The following DGKI variants were observed in gnomAD, a reference collection of about 807,000 sequenced individuals.
DGKI encodes diacylglycerol kinase iota, also known as DAG kinase iota.
In DGKI, 55 loss-of-function variants were observed where a neutral mutation model predicts 147.5. The ratio of observed to expected loss-of-function variants is 0.37; its 90% CI spans 0.30 to 0.47. DGKI has a LOEUF of 0.47. Among genes scored for constraint, DGKI ranks in the 20% least tolerant of loss-of-function variants. The probability of loss-of-function intolerance (pLI) is 1.00; values close to 1 mark genes in which losing one functional copy is unlikely to be tolerated. For missense variants in DGKI, 1,007 were observed against 1,323.8 expected (o/e 0.76, Z 3.71); for synonymous variants, 469 against 477.1 (o/e 0.98, Z 0.22).
intron 6 of DGKI, among the ~76,000 whole-genome samples, chr7:137,634,259 G>C (rs1821234640): frequency 6.6e-6 from 1 of 152,176 alleles, no homozygotes; most frequent in Admixed American, 6.5e-5. Flanking sequence ...CCCAGAGCAT[G>C]AAACAGTGCT....
At chr7:137,413,265 CAAAAA>C (rs35856159) in intron 28 of DGKI, among the ~76,000 whole-genome samples, 2 of 92,630 alleles carry the variant, frequency 2.2e-5, no homozygotes, top group East Asian at 3.5e-4. Context: ...GACTCCATCT[CAAAAA>C]AAAAAAAAAA....
At chr7:137,487,565 A>G (rs1815608995) in intron 22 of DGKI, 45 bp downstream of exon 22, 1 of 1,524,274 alleles carries the variant, frequency 6.6e-7, no homozygotes, top group South Asian at 1.1e-5. Context: ...TTGTTTACAA[A>G]AATGGAAAGT....
At chr7:137,484,590 T>C (rs1388340717) in intron 23 of DGKI, among the ~76,000 whole-genome samples, 1 of 152,032 alleles carries the variant, frequency 6.6e-6, no homozygotes, top group Non-Finnish European at 1.5e-5. Flanking sequence ...TCGGGAGTAA[T>C]ACTGTGTACT....
At chr7:137,531,991 C>T (rs1344305972) in intron 20 of DGKI, among the ~76,000 whole-genome samples, 1 of 150,538 alleles carries the variant, frequency 6.6e-6, no homozygotes, top group African/African-American at 2.4e-5. Flanking sequence ...ATAGACTACA[C>T]ATAATCTTTA....
intron 1 of DGKI, among the ~76,000 whole-genome samples, chr7:137,794,575 T>C (rs1175241601): frequency 6.6e-6 from 1 of 152,218 alleles, no homozygotes; most frequent in Non-Finnish European, 1.5e-5. Context: ...AAGTCTGGAG[T>C]GGGACCTGAA....
intron 28 of DGKI, among the ~76,000 whole-genome samples, chr7:137,442,530 T>A (rs983090142): frequency 2.0e-5 from 3 of 152,258 alleles, no homozygotes; most frequent in East Asian, 1.9e-4. Context: ...AATGTGAACA[T>A]GGAAGCCCAA....
intron 1 of DGKI, among the ~76,000 whole-genome samples, chr7:137,755,550 T>C (rs1795652658): frequency 6.6e-6 from 1 of 152,226 alleles, no homozygotes; most frequent in Admixed American, 6.5e-5. Context: ...TGAATGCTCT[T>C]AAGTCTCTTA....
At chr7:137,397,198 T>A (rs1021872134) in intron 31 of DGKI, among the ~76,000 whole-genome samples, 179 bp downstream of exon 31, 1 of 152,232 alleles carries the variant, frequency 6.6e-6, no homozygotes, top group Admixed American at 6.5e-5. Flanking sequence ...TGTCATCAAT[T>A]TCTATTCCGT....
chr7:137,613,360 G>A (rs1416927528), intron 8 of DGKI, among the ~76,000 whole-genome samples: 1 of 152,070 alleles, frequency 6.6e-6, no homozygotes, highest in African/African-American at 2.4e-5. Flanking sequence ...TCTGAGGATG[G>A]GAAGGCAGAA....
chr7:137,560,152 C>T (rs1055359737), intron 19 of DGKI, among the ~76,000 whole-genome samples: 29 of 152,008 alleles, frequency 1.9e-4, no homozygotes, highest in African/African-American at 6.8e-4. Context: ...AAGAAAACAT[C>T]ATCCATAATA....
At chr7:137,760,472 G>A (rs1273683841) in intron 1 of DGKI, among the ~76,000 whole-genome samples, 2 of 152,030 alleles carry the variant, frequency 1.3e-5, no homozygotes, top group African/African-American at 2.4e-5. Flanking sequence ...CTTTCCCTGA[G>A]GGATAAAAGG....
chr7:137,459,872 C>T (rs958120715), intron 27 of DGKI, among the ~76,000 whole-genome samples: 1 of 152,154 alleles, frequency 6.6e-6, no homozygotes, highest in African/African-American at 2.4e-5. Flanking sequence ...CATTTCTTTA[C>T]ACTGGGATTC....
intron 19 of DGKI, among the ~76,000 whole-genome samples, chr7:137,561,915 A>G (rs1418223347): frequency 6.6e-6 from 1 of 152,338 alleles, no homozygotes; most frequent in Non-Finnish European, 1.5e-5. Context: ...TCAGAATTCT[A>G]TATCTACAAA....
chr7:137,717,532 C>T (rs1712806916), intron 1 of DGKI, among the ~76,000 whole-genome samples: 1 of 152,116 alleles, frequency 6.6e-6, no homozygotes, highest in African/African-American at 2.4e-5. Flanking sequence ...GTCTGTCTGT[C>T]CGTTTACAAC....
At chr7:137,607,091 C>A (rs1464171959) in intron 10 of DGKI, among the ~76,000 whole-genome samples, 2 of 152,178 alleles carry the variant, frequency 1.3e-5, no homozygotes, top group Non-Finnish European at 2.9e-5. Flanking sequence ...CAAGAATTTG[C>A]TGAACAGGAA....
At chr7:137,412,088 G>C in intron 29 of DGKI, 82 bp downstream of exon 29, 1 of 1,308,666 alleles carries the variant, frequency 7.6e-7, no homozygotes, top group East Asian at 2.3e-5. Context: ...ATGATAGATG[G>C]GAACATAGAG....
At chr7:137,466,108 A>AT in intron 25 of DGKI, 73 bp from the exon 26 acceptor site, 1 of 1,548,156 alleles carries the variant, frequency 6.5e-7, no homozygotes, top group Non-Finnish European at 8.9e-7. Context: ...GAATAATGAA[A>AT]TTCTGCAACG....
Position 137,552,574 on chromosome 7 carries a change from A to G in DGKI, c.1948-6T>C, listed in dbSNP as rs1412797591. 1 of 1,613,834 alleles carries G rather than the reference A, an allele frequency of 6.2e-7. No homozygotes were observed. Among genetic ancestry groups the G allele is most frequent in the Admixed American group, 1.7e-5 (1 of 59,992 alleles). On this transcript the variant is annotated splice_region_variant and splice_polypyrimidine_tract_variant and intron_variant, in intron 19 of 32. Coordinates refer to ENST00000614521, the MANE Select transcript of DGKI (RefSeq NM_001321708.2). The stretch of plus-strand genomic sequence containing the variant: ...CCCCCAACTTGCAGGGCTGCCTATA[A>G]AAACAAGAGTCAAAGGGGAGCAAGG...
chr7:137,815,210 A>G (rs1416139753), intron 1 of DGKI, among the ~76,000 whole-genome samples: 1 of 152,172 alleles, frequency 6.6e-6, no homozygotes, highest in East Asian at 1.9e-4. Flanking sequence ...GTCCTGGAGC[A>G]GCTAGAAAGA....
Sources: gnomAD v4.1 joint callset for allele counts (sites outside exome capture counted in the v4.1 genomes callset) on GRCh38, gnomAD v4.1.1 for gene constraint, MANE v1.5 for transcripts, NCBI Gene and HGNC (gene_info 2026-07-23, HGNC 2026-07-21) for gene names.